IQSEC1: variants seen among roughly 807,000 people sequenced by gnomAD.
The protein encoded by IQSEC1 is IQ motif and SEC7 domain-containing protein 1.
A neutral mutation model predicts 91.0 loss-of-function variants in IQSEC1; 31 were observed. That is an observed-to-expected ratio of 0.34 (90% CI 0.26 to 0.46). IQSEC1 has a LOEUF of 0.46. IQSEC1 is among the 20% of genes least tolerant of loss of function. IQSEC1 has a pLI of 1.00. For synonymous variants in IQSEC1, 699 were observed against 662.6 expected (o/e 1.05, Z -0.84); for missense variants, 1,388 against 1,575.6 (o/e 0.88, Z 2.02).
intron 1 of IQSEC1, among the ~76,000 whole-genome samples, chr3:13,201,102 C>T (rs1039432403): frequency 1.3e-5 from 2 of 152,182 alleles, no homozygotes; most frequent in Non-Finnish European, 1.5e-5. Flanking sequence ...ACAACAAATG[C>T]GTGAGGTGAG....
chr3:12,988,142 G>A (rs1042112468), intron 1 of IQSEC1, among the ~76,000 whole-genome samples: 8 of 152,224 alleles, frequency 5.3e-5, no homozygotes, highest in Non-Finnish European at 1.0e-4. Context: ...AGCTGGGCGC[G>A]GTGGCTCACG....
rs529099982 is a variant in IQSEC1, at chr3:13,230,887, A to G, written c.272+51824T>C. 1.7e-3 allele frequency among the ~76,000 whole-genome samples: 264 copies of G among 152,350 alleles called. 1 individual carries two copies. Among genetic ancestry groups the G allele is most frequent in the African/African-American group, 5.6e-3 (231 of 41,582 alleles). Reference sequence around the variant, plus strand: ...TTCAACTGGGGCATGGACAAAATGAATATTTTCCTTGCAGACTGATGTGGA... The same window carrying G: ...TTCAACTGGGGCATGGACAAAATGAGTATTTTCCTTGCAGACTGATGTGGA... On this transcript the variant is annotated intron_variant, in intron 1 of 15. Transcript: ENST00000648114.
At chr3:13,256,243 G>C (rs1695283991) in intron 1 of IQSEC1, among the ~76,000 whole-genome samples, 1 of 152,152 alleles carries the variant, frequency 6.6e-6, no homozygotes, top group African/African-American at 2.4e-5. Context: ...CAGGTGCACT[G>C]TCCACGACAT....
At position 12,949,054 on chromosome 3, in the gene IQSEC1, C is replaced by T. The variant is rs909215699; in HGVS notation, c.24-7189G>A. 9.2e-5 allele frequency among the ~76,000 whole-genome samples: 14 copies of T among 152,348 alleles called. No individual in the cohort carries two copies. The East Asian group carries it at 9.6e-4, about 10-fold the overall frequency. On this transcript the variant is annotated intron_variant, in intron 1 of 13. Transcript: ENST00000613206. Reference sequence around the variant, plus strand: ...ACATGACCTGTAACTCAACCACCGTCGCTGGGAGGTAGCTAGGACTGCTCC... The same window carrying T: ...ACATGACCTGTAACTCAACCACCGTTGCTGGGAGGTAGCTAGGACTGCTCC...
At position 12,967,209 on chromosome 3, in the gene IQSEC1, TTC is replaced by T. The variant is rs1700635044; in HGVS notation, c.24-25346_24-25345del. On this transcript the variant is annotated intron_variant, in intron 1 of 13. Transcript: ENST00000613206. The surrounding 1 kb of genome is among the most constrained non-coding windows in gnomAD (Gnocchi z 5.9). Reference sequence around the variant, plus strand: ...GCACAAACTCGGGTCCTGTTTGCTCTTCTCTCACCCAAACCCACAGTCTGGCG... The same window carrying T: ...GCACAAACTCGGGTCCTGTTTGCTCTTCTCACCCAAACCCACAGTCTGGCG... Among the ~76,000 whole-genome samples, 1 of 152,172 alleles carries T rather than the reference TTC, an allele frequency of 6.6e-6. No homozygotes were observed. The highest frequency in any genetic ancestry group is 1.5e-5 in the Non-Finnish European group (1 of 68,020).
chr3:12,903,705 T>C (rs1559600393), intron 12 of IQSEC1, among the ~76,000 whole-genome samples: 2 of 152,150 alleles, frequency 1.3e-5, no homozygotes. Context: ...CGTGGATTTT[T>C]TGAGGAACAC....
At chr3:13,196,204 G>C (rs1694122135) in intron 1 of IQSEC1, among the ~76,000 whole-genome samples, 1 of 152,170 alleles carries the variant, frequency 6.6e-6, no homozygotes, top group Non-Finnish European at 1.5e-5. Context: ...CCAGCCCATA[G>C]TCTCAGCTAG....
chr3:13,264,858 A>G (rs568740541), intron 1 of IQSEC1, among the ~76,000 whole-genome samples: 2 of 147,338 alleles, frequency 1.4e-5, no homozygotes, highest in South Asian at 2.2e-4. Flanking sequence ...CTTTCTGTCT[A>G]TCCCTATCTC....
chr3:13,088,917 A>T (rs1271797656), intron 2 of IQSEC1, among the ~76,000 whole-genome samples: 1 of 152,262 alleles, frequency 6.6e-6, no homozygotes, highest in African/African-American at 2.4e-5. Context: ...TTTATTGCAG[A>T]TCCTAGGGAC....
chr3:12,913,298 A>C (rs1189427780), intron 9 of IQSEC1, 130 bp downstream of exon 9: 6 of 963,666 alleles, frequency 6.2e-6, no homozygotes, highest in Non-Finnish European at 7.5e-6. Flanking sequence ...TCAGTGTGAA[A>C]GACACCAGGC....
intron 1 of IQSEC1, among the ~76,000 whole-genome samples, chr3:12,955,531 G>A (rs1219717482): frequency 6.6e-6 from 1 of 152,210 alleles, no homozygotes; most frequent in Non-Finnish European, 1.5e-5. Context: ...CACTACAACA[G>A]GCATCACTAT....
At chr3:13,194,803 G>T (rs1187489939) in intron 1 of IQSEC1, among the ~76,000 whole-genome samples, 1 of 152,140 alleles carries the variant, frequency 6.6e-6, no homozygotes, top group African/African-American at 2.4e-5. Flanking sequence ...TCAGACATCC[G>T]CAGGCAATAC....
chr3:13,267,219 T>A (rs1024688617), intron 1 of IQSEC1, among the ~76,000 whole-genome samples: 9 of 152,152 alleles, frequency 5.9e-5, no homozygotes, highest in African/African-American at 2.2e-4. Flanking sequence ...ATCTATAAAC[T>A]GGAAAGTAGG....
At chr3:13,171,107 CA>C (rs552502231) in intron 1 of IQSEC1, among the ~76,000 whole-genome samples, 3 of 148,978 alleles carry the variant, frequency 2.0e-5, no homozygotes, top group Non-Finnish European at 4.4e-5. Context: ...TCAAAAAAAA[CA>C]AAAAAAACAA....
chr3:12,945,189 G>C (rs111363315), intron 1 of IQSEC1, among the ~76,000 whole-genome samples: 1 of 152,156 alleles, frequency 6.6e-6, no homozygotes, highest in Non-Finnish European at 1.5e-5. Flanking sequence ...TTTGGGCCCC[G>C]GGGCAGGGTA....
In IQSEC1 at chr3:12,924,782, G is replaced by A. The variant is rs575634087; in HGVS notation, c.1569-40C>T. The A allele has an allele frequency of 1.8e-5, 27 of 1,509,686 alleles. No individual in the cohort carries two copies. The South Asian group carries it at 2.2e-4, about 12-fold the overall frequency. 93.5% of individuals were successfully genotyped at this position (1,509,686 alleles called of 1,614,324 possible). ...GAGGCACACTCAGTCCCAGCTGCCC[G>A]GCCACCAGCCAGGCACCTGGAGGGG... On this transcript the variant is annotated intron_variant, in intron 3 of 13. Transcript: ENST00000613206. This position sits in a 1 kb window ranked among gnomAD's most constrained non-coding sequence, Gnocchi z 6.3.
At position 12,909,537 on chromosome 3, in the gene IQSEC1, G is replaced by A. The variant is rs564597097; in HGVS notation, c.2417-103C>T. On this transcript the variant is annotated intron_variant, in intron 10 of 13. Transcript: ENST00000613206. This position sits in a 1 kb window ranked among gnomAD's most constrained non-coding sequence, Gnocchi z 4.9. ...AATGGTAGGGCTGAGTTGTGCGTGA[G>A]CCTGGGATAAGTGCCGGGAGTCCAG... 4.1e-6 allele frequency: 5 copies of A among 1,223,138 alleles called. No individual in the cohort carries two copies. The highest frequency in any genetic ancestry group is 2.4e-5 in the East Asian group (1 of 42,434). The allele number at this position is 1,223,138 out of a possible 1,614,324, so 75.8% of individuals were successfully genotyped here.
At chr3:13,191,178 G>A (rs1448138124) in intron 1 of IQSEC1, among the ~76,000 whole-genome samples, 3 of 152,202 alleles carry the variant, frequency 2.0e-5, no homozygotes, top group Non-Finnish European at 4.4e-5. Flanking sequence ...AGGTTGGCCT[G>A]GACACAGAAG....
In IQSEC1 at chr3:12,900,878, T is replaced by C. The variant is rs1251109556; in HGVS notation, c.*105A>G. The C allele has an allele frequency of 2.6e-6, 4 of 1,534,252 alleles. No individual in the cohort carries two copies. The highest frequency in any genetic ancestry group is 1.2e-5 in the South Asian group (1 of 83,422). On this transcript the variant is annotated 3_prime_UTR_variant, in exon 14 of 14. Transcript: ENST00000613206. ...GGCCGTGAGGGGCAGAGGGGAGAGA[T>C]GGCAACAGAAGTGCCCCGGGTTTGG...
Sources: allele counts gnomAD v4.1 joint callset (sites outside exome capture counted in the v4.1 genomes callset), GRCh38; gene constraint gnomAD v4.1.1; non-coding constraint Gnocchi (gnomAD v3.1); transcripts MANE v1.5; gene names NCBI Gene and HGNC (gene_info 2026-07-23, HGNC 2026-07-21).